Variants in FLRT1 observed in about 807,000 individuals in gnomAD.
FLRT1 encodes the protein leucine-rich repeat transmembrane protein FLRT1.
Under a neutral mutation model 30.9 loss-of-function variants are expected in FLRT1, and 14 were observed. That is an observed-to-expected ratio of 0.45 (90% confidence interval 0.30 to 0.71). The LOEUF (loss-of-function observed/expected upper bound fraction) is 0.71. Ranked by LOEUF, FLRT1 falls within the 30% of genes least tolerant of loss-of-function variation. FLRT1 has a pLI of 0.08. For missense variants in FLRT1, 737 were observed against 949.2 expected (o/e 0.78, Z 2.94); for synonymous variants, 368 against 430.4 (o/e 0.85, Z 1.80).
intron 1 of FLRT1, among the ~76,000 whole-genome samples, chr11:64,041,340 C>A (rs1051076948): frequency 3.9e-5 from 6 of 152,022 alleles, no homozygotes; most frequent in East Asian, 1.9e-4. Context: ...TGCTGCCCCC[C>A]ACCCCTCCAC....
chr11:64,045,953 A>G (rs1378771918), intron 1 of FLRT1, among the ~76,000 whole-genome samples: 1 of 152,188 alleles, frequency 6.6e-6, no homozygotes, highest in Non-Finnish European at 1.5e-5. Context: ...ACTGGGTAAC[A>G]TGACTGAGCA....
intron 1 of FLRT1, among the ~76,000 whole-genome samples, chr11:64,050,573 G>A (rs1300193925): frequency 3.3e-5 from 5 of 152,232 alleles, no homozygotes; most frequent in South Asian, 2.1e-4. Context: ...ACAGCGCTAA[G>A]GACAGGCCTG....
chr11:64,100,172 T>C (rs912062706), intron 1 of FLRT1, among the ~76,000 whole-genome samples: 1 of 152,124 alleles, frequency 6.6e-6, no homozygotes, highest in Non-Finnish European at 1.5e-5. Context: ...TCAGGGAAGA[T>C]GGCAAGGCAG....
In FLRT1 at chr11:64,079,047, C is replaced by T. The variant is rs928895644; in HGVS notation, c.-1037-24147C>T. ...CTGGGTTCCCAGGGGCTTGCTGAGC[C>T]GCTGTGCGGACAGACCGGGGGCGGT... On this transcript the variant is annotated intron_variant, in intron 1 of 2. Coordinates refer to ENST00000682287, the MANE Select transcript of FLRT1 (RefSeq NM_013280.5). Among the ~76,000 whole-genome samples, 7 of 146,770 alleles carry T rather than the reference C, an allele frequency of 4.8e-5. No homozygotes were observed. In the South Asian group the frequency reaches 8.9e-4, roughly 19 times the overall value.
intron 1 of FLRT1, among the ~76,000 whole-genome samples, chr11:64,063,694 G>A (rs770974428): frequency 2.6e-5 from 4 of 152,158 alleles, no homozygotes; most frequent in Non-Finnish European, 5.9e-5. Context: ...GGTGTCAAGG[G>A]ACACACCTCA....
At chr11:64,051,291 G>A (rs1590840982) in intron 1 of FLRT1, among the ~76,000 whole-genome samples, 1 of 152,220 alleles carries the variant, frequency 6.6e-6, no homozygotes. Flanking sequence ...TCCCTCTTTT[G>A]AAGTAGCTCT....
intron 2 of FLRT1, among the ~76,000 whole-genome samples, chr11:64,115,858 GTGAAGTCT>G (rs903279960): frequency 6.6e-6 from 1 of 152,214 alleles, no homozygotes; most frequent in African/African-American, 2.4e-5. Context: ...GTGGCTTTGT[GTGAAGTCT>G]TGAGAGAAGA....
At chr11:64,039,766 C>T (rs1015808963) in intron 1 of FLRT1, among the ~76,000 whole-genome samples, 1 of 152,218 alleles carries the variant, frequency 6.6e-6, no homozygotes. Context: ...AGCGGCTCTG[C>T]AGATGATGTC....
In FLRT1 at chr11:64,067,469, A is replaced by G. The variant is rs923008647; in HGVS notation, c.-1038+31310A>G. ...CAGCCAGCACAGACGCCCAGCTCAG[A>G]TAACAGAAGGGAGGAGATAGGTCGG... On this transcript the variant is annotated intron_variant, in intron 1 of 2. Coordinates refer to ENST00000682287, the MANE Select transcript of FLRT1 (RefSeq NM_013280.5). This position sits in a 1 kb window ranked among gnomAD's most constrained non-coding sequence, Gnocchi z 4.6. 1.3e-5 allele frequency among the ~76,000 whole-genome samples: 2 copies of G among 152,118 alleles called. No individual in the cohort carries two copies. The highest frequency in any genetic ancestry group is 2.9e-5 in the Non-Finnish European group (2 of 67,992).
chr11:64,042,114 CGGGAGGGG>C (rs1565205982), intron 1 of FLRT1, among the ~76,000 whole-genome samples: 2 of 152,130 alleles, frequency 1.3e-5, no homozygotes, highest in African/African-American at 2.4e-5. Context: ...TGGGACCAGG[CGGGAGGGG>C]GAGACAGATG....
At chr11:64,051,991 G>A (rs1396087373) in intron 1 of FLRT1, among the ~76,000 whole-genome samples, 5 of 151,758 alleles carry the variant, frequency 3.3e-5, no homozygotes, top group Non-Finnish European at 5.9e-5. Flanking sequence ...TGGATGAGAG[G>A]GGGTCCAGGC....
At position 64,117,749 on chromosome 11, in the gene FLRT1, G is replaced by C. The variant is rs750090644; in HGVS notation, c.1482G>C (p.Leu494=). Residue 494 remains leucine (L), a synonymous_variant, in exon 3 of 3, where the codon CTG becomes CTC. Transcript: ENST00000682287. ...LVQGDKTEYL[L]TALEPKSTYI... is the part of the protein sequence containing the mutation. ...AGGGGGACAAGACAGAGTACCTGCT[G>C]ACAGCCCTGGAGCCCAAGTCCACCT... 5 of 1,614,030 alleles carry C rather than the reference G, an allele frequency of 3.1e-6. No individual in the cohort carries two copies. The Admixed American group carries it at 8.3e-5, about 27-fold the overall frequency.
chr11:64,072,416 G>A (rs547966286), intron 1 of FLRT1, among the ~76,000 whole-genome samples: 2 of 147,974 alleles, frequency 1.4e-5, no homozygotes, highest in Non-Finnish European at 3.1e-5. Flanking sequence ...AGCTGATCCG[G>A]CTCATTTAAA....
At chr11:64,044,149 C>A (rs1590830780) in intron 1 of FLRT1, among the ~76,000 whole-genome samples, 1 of 152,096 alleles carries the variant, frequency 6.6e-6, no homozygotes, top group Admixed American at 6.6e-5. Flanking sequence ...ATGCTCGTAA[C>A]CCCCTCAGCC....
intron 1 of FLRT1, among the ~76,000 whole-genome samples, chr11:64,049,536 C>A (rs1427813877): frequency 6.6e-6 from 1 of 152,238 alleles, no homozygotes; most frequent in Non-Finnish European, 1.5e-5. Context: ...GTCAGCCTCC[C>A]CAAGCGGTCT....
At position 64,041,068 on chromosome 11, in the gene FLRT1, G is replaced by A. The variant is rs370762776; in HGVS notation, c.-1038+4909G>A. 6.1e-4 allele frequency among the ~76,000 whole-genome samples: 92 copies of A among 151,956 alleles called. No individual in the cohort carries two copies. The East Asian group carries it at 0.011, about 18-fold the overall frequency. ...GGGATTAAAACTGGGGTCACGGGGC[G>A]CTAGTCCTGGCCATTCCTGCCCGCG... is the stretch of plus-strand genomic sequence containing the variant. On this transcript the variant is annotated intron_variant, in intron 1 of 2. Transcript: ENST00000682287.
chr11:64,094,885 C>T (rs916766337), intron 1 of FLRT1, among the ~76,000 whole-genome samples: 4 of 152,178 alleles, frequency 2.6e-5, no homozygotes, highest in African/African-American at 7.2e-5. Context: ...TGGATTTCGC[C>T]GAATGTCCCA....
rs267603093 is a variant in FLRT1 at position 64,117,395 on chromosome 11, C to T, written c.1128C>T (p.Asp376=). ...TCAAGGACATTACCAGCGAGATGGACGAGTGTTTTGAGACGGGGCCGCAGG... is the reference window on the plus strand; with the variant it reads ...TCAAGGACATTACCAGCGAGATGGATGAGTGTTTTGAGACGGGGCCGCAGG... The part of the protein sequence containing the change: ...MAIKDITSEM[D]ECFETGPQGG... The change falls in exon 3 of 3, where the codon GAC becomes GAT. Residue 376 remains aspartate (D), a synonymous_variant. Coordinates refer to ENST00000682287, the MANE Select transcript of FLRT1 (RefSeq NM_013280.5). 4.2e-5 allele frequency: 68 copies of T among 1,611,960 alleles called. No homozygotes were observed. The highest frequency in any genetic ancestry group is 4.8e-5 in the Non-Finnish European group (57 of 1,178,406).
chr11:64,047,201 G>C (rs531263510), intron 1 of FLRT1, among the ~76,000 whole-genome samples: 1 of 152,152 alleles, frequency 6.6e-6, no homozygotes, highest in African/African-American at 2.4e-5. Context: ...CCCCTCCCCT[G>C]CCCCAGAGAG....
Sources: allele counts gnomAD v4.1 joint callset (sites outside exome capture counted in the v4.1 genomes callset), GRCh38; gene constraint gnomAD v4.1.1; non-coding constraint Gnocchi (gnomAD v3.1); transcripts MANE v1.5; gene names NCBI Gene and HGNC (gene_info 2026-07-23, HGNC 2026-07-21).